NSUN3: variants seen among roughly 807,000 people sequenced by gnomAD.
The protein encoded by NSUN3 is NOP2/Sun RNA methyltransferase 3.
In NSUN3, 24 loss-of-function variants were observed where a neutral mutation model predicts 36.8. That is an observed-to-expected ratio of 0.65 (90% confidence interval 0.47 to 0.92). The LOEUF is 0.92. NSUN3 is among the 40% of genes least tolerant of loss of function. The pLI is 0.00. For missense variants in NSUN3, 381 were observed against 392.8 expected, an observed-to-expected ratio of 0.97 and a Z score of 0.25; for synonymous variants, 146 against 145.2, an observed-to-expected ratio of 1.01 and a Z score of -0.04.
At chr3:94,080,925 C>G (rs1021555584) in intron 2 of NSUN3, among the ~76,000 whole-genome samples, 2 of 152,184 alleles carry the variant, frequency 1.3e-5, no homozygotes, top group Admixed American at 6.5e-5. Flanking sequence ...ACTGTTCTGT[C>G]TCGCTGGTGC....
chr3:94,090,176 A>C (rs1376281695), intron 3 of NSUN3, among the ~76,000 whole-genome samples: 1 of 152,158 alleles, frequency 6.6e-6, no homozygotes, highest in Non-Finnish European at 1.5e-5. Flanking sequence ...GAATTTGTTA[A>C]ATATGCCCCT....
At chr3:94,114,517 A>T (rs1228287921) in intron 5 of NSUN3, among the ~76,000 whole-genome samples, 1 of 152,218 alleles carries the variant, frequency 6.6e-6, no homozygotes, top group Admixed American at 6.5e-5. Context: ...CTCAGTTAAC[A>T]TAGGAGTGAG....
Position 94,111,874 on chromosome 3 carries a change from A to G in NSUN3, c.744-14337A>G, listed in dbSNP as rs574290746. ...AATAATGATAAAAAGTATAGTAAAT[A>G]CTAGATGATAGGAATTTTTCAGCTG... On this transcript the variant is annotated intron_variant, in intron 5 of 5. Transcript: ENST00000314622. 6.6e-5 allele frequency among the ~76,000 whole-genome samples: 10 copies of G among 151,976 alleles called. No individual in the cohort carries two copies. In the South Asian group the frequency reaches 2.1e-3, roughly 32 times the overall value.
intron 2 of NSUN3, among the ~76,000 whole-genome samples, chr3:94,074,710 A>G (rs2077239555): frequency 1.3e-5 from 2 of 152,188 alleles, no homozygotes; most frequent in South Asian, 4.1e-4. Flanking sequence ...TTGGGCTGAG[A>G]CGATGGGGCT....
At chr3:94,085,940 T>A (rs73156384) in intron 3 of NSUN3, among the ~76,000 whole-genome samples, 12,338 of 151,484 alleles carry the variant, frequency 0.081, 631 homozygotes, top group Middle Eastern at 0.19. Context: ...CAAAAGGCAG[T>A]GTTGCCTTTT....
intron 3 of NSUN3, among the ~76,000 whole-genome samples, chr3:94,086,794 G>A (rs1020571185): frequency 6.6e-6 from 1 of 152,114 alleles, no homozygotes; most frequent in Non-Finnish European, 1.5e-5. Flanking sequence ...AAGTTTTGTG[G>A]AATTGTATGT....
chr3:94,071,988 G>A (rs910364256), intron 2 of NSUN3, among the ~76,000 whole-genome samples: 1 of 152,152 alleles, frequency 6.6e-6, no homozygotes, highest in Non-Finnish European at 1.5e-5. Flanking sequence ...AGTGGCAGGT[G>A]TGTGCAAGGG....
At chr3:94,123,336 G>A (rs560557958) in intron 5 of NSUN3, among the ~76,000 whole-genome samples, 11 of 152,068 alleles carry the variant, frequency 7.2e-5, no homozygotes, top group Middle Eastern at 3.4e-3. Flanking sequence ...TTAAAATTTC[G>A]GAGTCATGAG....
In NSUN3 at chr3:94,127,573, CA is replaced by C. The variant is rs2107277624; in HGVS notation, c.*1084del. The stretch of plus-strand genomic sequence containing the variant: ...TTAGGGTTTTAGCTTCAGTCAGCAT[CA>C]CACTTTTTCTCCAGAAATTACTTCA... On this transcript the variant is annotated 3_prime_UTR_variant, in exon 6 of 6. Transcript: ENST00000314622. 1 of 152,276 alleles carries C rather than the reference CA, an allele frequency of 6.6e-6. No homozygotes were observed. Among genetic ancestry groups the C allele is most frequent in the African/African-American group, 2.4e-5 (1 of 41,554 alleles). The allele number at this position is 152,276 out of a possible 1,614,324, so 9.4% of individuals were successfully genotyped here.
intron 5 of NSUN3, among the ~76,000 whole-genome samples, chr3:94,103,760 T>C (rs1273369854): frequency 1.3e-5 from 2 of 152,186 alleles, no homozygotes; most frequent in Admixed American, 6.5e-5. Context: ...CCTTACACGA[T>C]CTGATTAATG....
chr3:94,126,533 T>C lies in NSUN3; in HGVS notation c.*43T>C. 1 of 1,533,146 alleles carries C rather than the reference T, an allele frequency of 6.5e-7. No individual in the cohort carries two copies. Among genetic ancestry groups the C allele is most frequent in the Non-Finnish European group, 8.9e-7 (1 of 1,123,646 alleles). 95.0% of individuals were successfully genotyped at this position (1,533,146 alleles called of 1,614,324 possible). ...TGTTTATGTGTTATTATATTTATAT[T>C]TCTGAACTCAGTACATGTTAATATT... On this transcript the variant is annotated 3_prime_UTR_variant, in exon 6 of 6. Transcript: ENST00000314622.
At chr3:94,114,193 A>G (rs2077430001) in intron 5 of NSUN3, among the ~76,000 whole-genome samples, 1 of 152,168 alleles carries the variant, frequency 6.6e-6, no homozygotes, top group Admixed American at 6.5e-5. Context: ...CCTGTGTCTC[A>G]TTGCCTCAAA....
intron 2 of NSUN3, among the ~76,000 whole-genome samples, chr3:94,080,661 G>A (rs2077264731): frequency 6.6e-6 from 1 of 152,216 alleles, no homozygotes; most frequent in Admixed American, 6.5e-5. Flanking sequence ...GCTGCAGTGG[G>A]CTCCGCCCAG....
chr3:94,098,124 G>A (rs1033575944), intron 5 of NSUN3, among the ~76,000 whole-genome samples: 2 of 152,020 alleles, frequency 1.3e-5, no homozygotes, highest in African/African-American at 4.8e-5. Context: ...CTCTCTTCTC[G>A]ATTTTAGTAA....
At chr3:94,116,985 C>CTTTTTTTTTTTTTTT (rs60234250) in intron 5 of NSUN3, among the ~76,000 whole-genome samples, 1 of 63,958 alleles carries the variant, frequency 1.6e-5, no homozygotes. Flanking sequence ...TCTGCCACAA[C>CTTTTTTTTTTTTTTT]TTTTTTTTTT....
At chr3:94,100,251 T>A (rs1009424453) in intron 5 of NSUN3, among the ~76,000 whole-genome samples, 4 of 152,196 alleles carry the variant, frequency 2.6e-5, no homozygotes, top group Admixed American at 2.0e-4. Flanking sequence ...TGTTGACAGA[T>A]ATGGTGCTCA....
rs1393874189 is a variant in NSUN3, at chr3:94,126,359, T to G, written c.892T>G (p.Cys298Gly). Residue 298 changes from cysteine to glycine, a missense_variant, in exon 6 of 6, where the codon TGC (cysteine) becomes GGC (glycine). Coordinates refer to ENST00000314622, the MANE Select transcript of NSUN3 (RefSeq NM_022072.5). ...GGACATTAAAGGAATAGCAAGGACT[T>G]GCTCCCACGACTTCACATTTGCTCC... ...PMDIKGIART[C>G]SHDFTFAPTG... 6.2e-7 allele frequency: 1 copy of G among 1,614,162 alleles called. No individual in the cohort carries two copies. Among genetic ancestry groups the G allele is most frequent in the Non-Finnish European group, 8.5e-7 (1 of 1,180,030 alleles).
chr3:94,119,536 C>A (rs1041880969), intron 5 of NSUN3, among the ~76,000 whole-genome samples: 1 of 152,086 alleles, frequency 6.6e-6, no homozygotes, highest in African/African-American at 2.4e-5. Flanking sequence ...GCCTGCTCAC[C>A]CACCACTCAA....
chr3:94,074,687 G>A (rs2077239526), intron 2 of NSUN3, among the ~76,000 whole-genome samples: 1 of 152,162 alleles, frequency 6.6e-6, no homozygotes. Flanking sequence ...TTGCTTATTA[G>A]CTTAAGGAGA....
Sources: allele counts gnomAD v4.1 joint callset (sites outside exome capture counted in the v4.1 genomes callset), GRCh38; gene constraint gnomAD v4.1.1; transcripts MANE v1.5; gene names NCBI Gene and HGNC (gene_info 2026-07-23, HGNC 2026-07-21).